Variants in ECD observed in about 807,000 individuals in gnomAD.
ECD encodes ecdysoneless cell cycle regulator, also known as protein ecdysoneless homolog.
ECD carries 59 observed loss-of-function variants against 77.2 expected under a neutral mutation model. That is an observed-to-expected ratio of 0.76 (90% CI 0.62 to 0.95). ECD has a LOEUF of 0.95. Among genes scored for constraint, ECD ranks in the 40% least tolerant of loss-of-function variants. The pLI is 0.00. For missense variants in ECD, 704 were observed against 763.4 expected, an observed-to-expected ratio of 0.92 and a Z score of 0.92; for synonymous variants, 233 against 267.4, an observed-to-expected ratio of 0.87 and a Z score of 1.26.
chr10:73,143,780 GTTCT>G (rs1843088864), intron 9 of ECD, among the ~76,000 whole-genome samples: 1 of 59,870 alleles, frequency 1.7e-5, no homozygotes, highest in African/African-American at 5.7e-5. Flanking sequence ...TTACTCATTC[GTTCT>G]ATTTTTTTTT....
chr10:73,156,529 T>C, intron 4 of ECD, 39 bp downstream of exon 4: 3 of 1,612,750 alleles, frequency 1.9e-6, no homozygotes, highest in Non-Finnish European at 2.5e-6. Flanking sequence ...TGCAGCATGA[T>C]TTCATCTCTA....
At chr10:73,158,910 T>A (rs7922578) in intron 3 of ECD, among the ~76,000 whole-genome samples, 6 of 151,832 alleles carry the variant, frequency 4.0e-5, no homozygotes, top group Admixed American at 6.6e-5. Flanking sequence ...TTAAAACATT[T>A]AAAAATTTTA....
At chr10:73,142,458 C>T (rs544306175) in intron 9 of ECD, among the ~76,000 whole-genome samples, 1 of 151,932 alleles carries the variant, frequency 6.6e-6, no homozygotes, top group East Asian at 1.9e-4. Flanking sequence ...CATGGTGAAA[C>T]CCTGTCTGTG....
intron 5 of ECD, among the ~76,000 whole-genome samples, chr10:73,155,420 C>T (rs1463327322): frequency 6.6e-6 from 1 of 151,558 alleles, no homozygotes; most frequent in African/African-American, 2.4e-5. Flanking sequence ...TTAATAGGCA[C>T]CCAAATTTGA....
At chr10:73,137,616 A>T (rs1350840243) in intron 12 of ECD, among the ~76,000 whole-genome samples, 1 of 152,132 alleles carries the variant, frequency 6.6e-6, no homozygotes, top group African/African-American at 2.4e-5. Flanking sequence ...TCTACTAAAA[A>T]TACAAAAAAA....
intron 7 of ECD, among the ~76,000 whole-genome samples, chr10:73,151,767 C>T (rs1258398806): frequency 6.6e-6 from 1 of 152,096 alleles, no homozygotes; most frequent in African/African-American, 2.4e-5. Context: ...TTATCATTTT[C>T]ATATTGACTT....
Position 73,163,741 on chromosome 10 carries a change from G to A in ECD, c.197C>T (p.Pro66Leu), listed in dbSNP as rs1353591394. 6.2e-7 allele frequency: 1 copy of A among 1,613,882 alleles called. No individual in the cohort carries two copies. The highest frequency in any genetic ancestry group is 1.3e-5 in the African/African-American group (1 of 74,906). The part of the protein sequence containing the change: ...QNQPFNLKYK[P>L]GKGGVPAHMF... ...AAGTAAAAGAGCCTTACCTTTCCCAGGTTTATATTTAAGATTGAAAGGCTG... is the reference window on the plus strand; with the variant it reads ...AAGTAAAAGAGCCTTACCTTTCCCAAGTTTATATTTAAGATTGAAAGGCTG... Residue 66 changes from proline to leucine, a missense_variant, in exon 2 of 14, where the codon CCT becomes CTT. By Grantham distance (98) the Pro-to-Leu change is moderately conservative (BLOSUM62 -3). Around this residue, in one of 3 missense-constraint regions of ECD, gnomAD observed 559 missense variants for 583.7 expected, o/e 0.96. Coordinates refer to ENST00000372979, the MANE Select transcript of ECD (RefSeq NM_007265.3).
chr10:73,144,844 G>A (rs1451587260), intron 9 of ECD, among the ~76,000 whole-genome samples: 1 of 151,698 alleles, frequency 6.6e-6, no homozygotes, highest in African/African-American at 2.4e-5. Context: ...AGCACAACAG[G>A]GTGACTACAG....
chr10:73,148,244 A>C, intron 8 of ECD, 32 bp downstream of exon 8: 1 of 1,609,060 alleles, frequency 6.2e-7, no homozygotes, highest in Non-Finnish European at 8.5e-7. Context: ...CCTGGATTGA[A>C]TACTTAAAAG....
At chr10:73,147,345 C>T (rs1843143852) in intron 8 of ECD, among the ~76,000 whole-genome samples, 1 of 151,750 alleles carries the variant, frequency 6.6e-6, no homozygotes, top group African/African-American at 2.4e-5. Flanking sequence ...GTCAGGAGTC[C>T]GAGACCAGCC....
intron 11 of ECD, among the ~76,000 whole-genome samples, chr10:73,138,894 T>C (rs777975140): frequency 5.3e-5 from 8 of 152,188 alleles, no homozygotes; most frequent in South Asian, 2.1e-4. Context: ...TACCTGTTTT[T>C]CCTGTTATTT....
At chr10:73,163,639 T>C (rs1357157500) in intron 2 of ECD, 94 bp downstream of exon 2, 4 of 1,259,668 alleles carry the variant, frequency 3.2e-6, no homozygotes, top group Non-Finnish European at 4.5e-6. Flanking sequence ...AATCTCTTCC[T>C]GGCAACACTG....
intron 7 of ECD, 30 bp downstream of exon 7, chr10:73,152,263 A>C (rs1347494648): frequency 1.2e-6 from 2 of 1,605,200 alleles, no homozygotes. Flanking sequence ...ACATAAAGAA[A>C]GGAAACAACA....
At chr10:73,138,955 C>T (rs1207498454) in intron 11 of ECD, among the ~76,000 whole-genome samples, 1 of 137,718 alleles carries the variant, frequency 7.3e-6, no homozygotes, top group Non-Finnish European at 1.5e-5. Flanking sequence ...TGATGAATTC[C>T]TTTTTCAGTA....
At chr10:73,151,516 T>G (rs928991424) in intron 7 of ECD, among the ~76,000 whole-genome samples, 5 of 142,448 alleles carry the variant, frequency 3.5e-5, no homozygotes, top group South Asian at 2.2e-4. Context: ...CCCTAAAACT[T>G]AAAGCATAAT....
intron 7 of ECD, among the ~76,000 whole-genome samples, chr10:73,148,880 G>C (rs1303736879): frequency 1.3e-5 from 2 of 152,126 alleles, no homozygotes; most frequent in African/African-American, 4.8e-5. Context: ...GAGCTTCCCT[G>C]ATCAAGCTAG....
At chr10:73,161,374 G>T (rs994394300) in intron 2 of ECD, among the ~76,000 whole-genome samples, 2 of 151,592 alleles carry the variant, frequency 1.3e-5, no homozygotes, top group African/African-American at 4.8e-5. Flanking sequence ...TGAAAGAGGG[G>T]ACAGTACAAC....
intron 9 of ECD, among the ~76,000 whole-genome samples, chr10:73,142,351 C>A (rs901811058): frequency 6.6e-6 from 1 of 151,742 alleles, no homozygotes; most frequent in African/African-American, 2.4e-5. Flanking sequence ...ATAGGTTTAT[C>A]ATGTACCTTA....
At chr10:73,136,459 T>G (rs1842974843) in intron 13 of ECD, among the ~76,000 whole-genome samples, 1 of 152,192 alleles carries the variant, frequency 6.6e-6, no homozygotes, top group African/African-American at 2.4e-5. Context: ...CATTCTAATT[T>G]GAGCATATTA....
Sources: allele counts gnomAD v4.1 joint callset (sites outside exome capture counted in the v4.1 genomes callset), GRCh38; gene constraint gnomAD v4.1.1; regional missense constraint gnomAD v4.1.1; transcripts MANE v1.5; gene names NCBI Gene and HGNC (gene_info 2026-07-23, HGNC 2026-07-21).